DCTN5: variants seen among roughly 807,000 people sequenced by gnomAD.
DCTN5 encodes the protein dynactin subunit 5.
DCTN5 carries 14 observed loss-of-function variants against 23.5 expected under a neutral mutation model. The observed-to-expected ratio is 0.60, with a 90% CI of 0.39 to 0.93. The LOEUF (loss-of-function observed/expected upper bound fraction) is 0.93. DCTN5 is among the 40% of genes least tolerant of loss of function. The pLI, the probability that DCTN5 is intolerant of heterozygous loss-of-function variation, is 0.00. For synonymous variants in DCTN5, 67 were observed against 79.6 expected (o/e 0.84, Z 0.84); for missense variants, 156 against 225.9 (o/e 0.69, Z 1.98).
chr16:23,643,607 T>C (rs938649985), intron 2 of DCTN5, among the ~76,000 whole-genome samples: 17 of 152,188 alleles, frequency 1.1e-4, no homozygotes, highest in Admixed American at 8.5e-4. Flanking sequence ...TTTTATGATA[T>C]AGTGTGCATT....
chr16:23,660,999 A>G (rs1443522122), intron 3 of DCTN5, among the ~76,000 whole-genome samples, 171 bp from the exon 4 acceptor site: 2 of 152,138 alleles, frequency 1.3e-5, no homozygotes, highest in South Asian at 2.1e-4. Flanking sequence ...ACTAGTAATC[A>G]TATTCATTTT....
intron 2 of DCTN5, among the ~76,000 whole-genome samples, chr16:23,648,067 C>T (rs1967507999): frequency 1.3e-5 from 2 of 152,020 alleles, no homozygotes; most frequent in African/African-American, 2.4e-5. Context: ...GCAAATTTTC[C>T]ACATATCCCT....
At position 23,675,075 on chromosome 16, in the gene DCTN5, G is replaced by A. The variant is rs1294316394; in HGVS notation, c.*7931G>A. 1 of 152,122 alleles carries A rather than the reference G, an allele frequency of 6.6e-6. No homozygotes were observed. The highest frequency in any genetic ancestry group is 1.5e-5 in the Non-Finnish European group (1 of 68,024). The allele number at this position is 152,122 out of a possible 1,614,324, so 9.4% of individuals were successfully genotyped here. On this transcript the variant is annotated 3_prime_UTR_variant, in exon 6 of 6. Transcript: ENST00000300087. ...TCACATTTTGAGGTACAGGTAGATG[G>A]TTAGGGCTTCAGCATGAATTTTTGT...
Position 23,676,844 on chromosome 16 carries a change from GT to G in DCTN5, c.*9702del, listed in dbSNP as rs1295662248. 1 of 152,214 alleles carries G rather than the reference GT, an allele frequency of 6.6e-6. No homozygotes were observed. Among genetic ancestry groups the G allele is most frequent in the Non-Finnish European group, 1.5e-5 (1 of 68,050 alleles). The allele number at this position is 152,214 out of a possible 1,614,324, so 9.4% of individuals were successfully genotyped here. ...ATCTGAAAGCTTGGATTTCAGGAGG[GT>G]TCTCATTACTCCCTAAATGATAAGA... On this transcript the variant is annotated 3_prime_UTR_variant, in exon 6 of 6. Coordinates refer to ENST00000300087, the MANE Select transcript of DCTN5 (RefSeq NM_032486.4).
rs531480727 is a variant in DCTN5, at chr16:23,670,079, A to G, written c.*2935A>G. On this transcript the variant is annotated 3_prime_UTR_variant, in exon 6 of 6. Transcript: ENST00000300087. Reference sequence around the variant, plus strand: ...CTGTGGGTCATCTAGCACATCCTTAATAGAATGATTGCCTGGATGTGACCA... The same window carrying G: ...CTGTGGGTCATCTAGCACATCCTTAGTAGAATGATTGCCTGGATGTGACCA... The G allele has an allele frequency of 3.3e-5, 5 of 152,200 alleles. 1 individual carries two copies. In the East Asian group the frequency reaches 9.7e-4, roughly 29 times the overall value. The allele number at this position is 152,200 out of a possible 1,614,324, so 9.4% of individuals were successfully genotyped here. A position where few individuals can be genotyped will look rare whatever the true frequency, so the allele number is the denominator to read the frequency against.
intron 3 of DCTN5, among the ~76,000 whole-genome samples, chr16:23,660,630 A>G (rs983053880): frequency 6.6e-6 from 1 of 151,826 alleles, no homozygotes. Context: ...ATTTAATCTC[A>G]TTTCTTCTCT....
intron 2 of DCTN5, among the ~76,000 whole-genome samples, chr16:23,648,358 T>C (rs1477953269): frequency 6.8e-6 from 1 of 146,854 alleles, no homozygotes; most frequent in African/African-American, 2.5e-5. Context: ...TTTTTTTTTT[T>C]TTTTTTTTAG....
In DCTN5 at chr16:23,670,867, T is replaced by C. The variant is rs1168496380; in HGVS notation, c.*3723T>C. ...GTAAGAAGGTGGGCCCCTCACCATA[T>C]GCTGCACAGAGAAGAGAGACACCAT... is the stretch of plus-strand genomic sequence containing the variant. On this transcript the variant is annotated 3_prime_UTR_variant, in exon 6 of 6. Transcript: ENST00000300087. 6.6e-6 allele frequency: 1 copy of C among 152,208 alleles called. No individual in the cohort carries two copies. The highest frequency in any genetic ancestry group is 1.5e-5 in the Non-Finnish European group (1 of 68,050). 9.4% of individuals were successfully genotyped at this position (152,208 alleles called of 1,614,324 possible).
intron 2 of DCTN5, among the ~76,000 whole-genome samples, chr16:23,644,452 C>G (rs1467082868): frequency 2.6e-5 from 4 of 151,980 alleles, no homozygotes; most frequent in East Asian, 1.9e-4. Flanking sequence ...AGGCACCCAC[C>G]ACCATGCCCA....
chr16:23,645,300 T>C (rs951994984), intron 2 of DCTN5, among the ~76,000 whole-genome samples: 1 of 151,144 alleles, frequency 6.6e-6, no homozygotes, highest in East Asian at 2.0e-4. Context: ...TAATTTTATA[T>C]TTTTAATAGA....
chr16:23,658,063 C>T (rs779289150), intron 2 of DCTN5, among the ~76,000 whole-genome samples: 3 of 152,126 alleles, frequency 2.0e-5, no homozygotes, highest in Non-Finnish European at 4.4e-5. Flanking sequence ...GGAGATGAAC[C>T]AGAACTCCAG....
Position 23,667,647 on chromosome 16 carries a change from T to G in DCTN5, c.*503T>G, listed in dbSNP as rs546623131. 6.4e-6 allele frequency: 1 copy of G among 156,526 alleles called. No individual in the cohort carries two copies. The highest frequency in any genetic ancestry group is 1.4e-5 in the Non-Finnish European group (1 of 70,372). 9.7% of individuals were successfully genotyped at this position (156,526 alleles called of 1,614,324 possible). On this transcript the variant is annotated 3_prime_UTR_variant, in exon 6 of 6. Transcript: ENST00000300087. The stretch of plus-strand genomic sequence containing the variant: ...TTGCTCATCATCTTGGGAAAGGTGT[T>G]TGTGACTTTTCAGAGCCCAGATTCC...
In DCTN5 at chr16:23,665,475, T is replaced by C. The variant is rs1369383377; in HGVS notation, c.349-151T>C. On this transcript the variant is annotated intron_variant, in intron 4 of 5. Coordinates refer to ENST00000300087, the MANE Select transcript of DCTN5 (RefSeq NM_032486.4). ...CACTCTCACAACCTTGCTGCCTCCT[T>C]CTCGTCAGGTACCACCTGAAGCAGG... is the stretch of plus-strand genomic sequence containing the variant. 2.4e-5 allele frequency: 16 copies of C among 659,782 alleles called. No homozygotes were observed. In the East Asian group the frequency reaches 3.6e-4, roughly 15 times the overall value. 40.9% of individuals were successfully genotyped at this position (659,782 alleles called of 1,614,324 possible). A position where few individuals can be genotyped will look rare whatever the true frequency, so the allele number is the denominator to read the frequency against.
chr16:23,651,421 C>T (rs1319828073), intron 2 of DCTN5, among the ~76,000 whole-genome samples: 3 of 152,258 alleles, frequency 2.0e-5, no homozygotes, highest in East Asian at 3.8e-4. Context: ...ATACAATTTA[C>T]TTCCTTTGCA....
chr16:23,644,127 T>TA (rs989244868), intron 2 of DCTN5, among the ~76,000 whole-genome samples: 3 of 151,568 alleles, frequency 2.0e-5, no homozygotes, highest in Non-Finnish European at 4.4e-5. Context: ...ATACTGTTTC[T>TA]TTTTTTTCCT....
rs776678809 is a variant in DCTN5 at position 23,642,978 on chromosome 16, CCAGT to C, written c.77_80del (p.Ser26CysfsTer16). The C allele has an allele frequency of 6.2e-7, 1 of 1,614,122 alleles. No individual in the cohort carries two copies. The highest frequency in any genetic ancestry group is 2.2e-5 in the East Asian group (1 of 44,882). On this transcript the variant is annotated frameshift_variant, in exon 2 of 6. Transcript: ENST00000300087. LOFTEE classifies it high-confidence loss of function. ...AGGCATCTGGGAACAAAGTCAGTCGCCAGTCAGTGTTGTGTGGAAGCCAGAACAT... is the reference window on the plus strand; with the variant it reads ...AGGCATCTGGGAACAAAGTCAGTCGCCAGTGTTGTGTGGAAGCCAGAACAT...
At chr16:23,656,150 C>T (rs1289892303) in intron 2 of DCTN5, among the ~76,000 whole-genome samples, 1 of 152,124 alleles carries the variant, frequency 6.6e-6, no homozygotes, top group East Asian at 1.9e-4. Flanking sequence ...TCTCTTGAGC[C>T]CAGGAGTTCA....
intron 2 of DCTN5, among the ~76,000 whole-genome samples, chr16:23,645,085 A>ATATCTATATC (rs1207082464): frequency 1.9e-4 from 2 of 10,712 alleles, no homozygotes; most frequent in East Asian, 0.012. Context: ...CAGCCTAACT[A>ATATCTATATC]TATATATATA....
Position 23,665,666 on chromosome 16 carries a change from A to G in DCTN5, c.389A>G (p.Asp130Gly). ...CVLKDCCKIL[D>G]NTVLPPETVV... is the part of the protein sequence containing the mutation. Reference sequence around the variant, plus strand: ...TTGAAAGACTGCTGCAAAATTCTTGACAACACAGTATTACCTCCAGAAACT... The same window carrying G: ...TTGAAAGACTGCTGCAAAATTCTTGGCAACACAGTATTACCTCCAGAAACT... Residue 130 changes from aspartate (D) to glycine (G), a missense_variant, in exon 5 of 6, where the codon GAC becomes GGC. Physicochemically the swap from Asp to Gly is moderately conservative, Grantham distance 94. Transcript: ENST00000300087. 1 of 1,614,134 alleles carries G rather than the reference A, an allele frequency of 6.2e-7. No individual in the cohort carries two copies.
Sources: gnomAD v4.1 joint callset for allele counts (sites outside exome capture counted in the v4.1 genomes callset) on GRCh38, gnomAD v4.1.1 for gene constraint, MANE v1.5 for transcripts, NCBI Gene and HGNC (gene_info 2026-07-23, HGNC 2026-07-21) for gene names.